Variants in NAA60 observed in about 807,000 individuals in gnomAD.
The protein encoded by NAA60 is N-alpha-acetyltransferase 60, NatF catalytic subunit.
NAA60 carries 8 observed loss-of-function variants against 26.1 expected under a neutral mutation model. The ratio of observed to expected loss-of-function variants is 0.31; its 90% CI spans 0.18 to 0.55. The LOEUF (loss-of-function observed/expected upper bound fraction) is 0.55. NAA60 is among the 20% of genes least tolerant of loss of function. The probability of loss-of-function intolerance (pLI) is 0.93; values close to 1 mark genes in which losing one functional copy is unlikely to be tolerated. For synonymous variants in NAA60, 131 were observed against 122.5 expected (o/e 1.07, Z -0.46); for missense variants, 290 against 311.3 (o/e 0.93, Z 0.51).
rs143637828 is a variant in NAA60 at position 3,453,549 on chromosome 16, C to T, written c.-7+5009C>T. ...TTAGCCTCTCAAGTAGCTGGGATTA[C>T]AGGCACGCACCACCACGCCTGGCTA... On this transcript the variant is annotated intron_variant, in intron 2 of 7. Coordinates refer to ENST00000407558, the MANE Select transcript of NAA60 (RefSeq NM_001083601.3). Among the ~76,000 whole-genome samples, 7 of 152,236 alleles carry T rather than the reference C, an allele frequency of 4.6e-5. No individual in the cohort carries two copies. The East Asian group carries it at 1.2e-3, about 25-fold the overall frequency.
intron 2 of NAA60, chr16:3,456,852 C>G (rs1234563720): frequency 6.6e-6 from 1 of 152,020 alleles, no homozygotes; most frequent in East Asian, 1.9e-4. Context: ...TGCAGTGGCG[C>G]AATCTCGGCT....
Position 3,457,907 on chromosome 16 carries a change from G to C in NAA60, c.-7+9367G>C, listed in dbSNP as rs892392876. ...CTGGGCCTGGCTTCGCACGGAGCCT[G>C]CCCGCTCCCAACCTGCCCGCTCCCA... On this transcript the variant is annotated intron_variant, in intron 2 of 7. Transcript: ENST00000407558. The C allele has an allele frequency of 1.0e-5, 4 of 388,294 alleles. No homozygotes were observed. The African/African-American group carries it at 3.9e-4, about 38-fold the overall frequency. The allele number at this position is 388,294 out of a possible 1,614,324, so 24.1% of individuals were successfully genotyped here.
rs1046098213 is a variant in NAA60 at position 3,444,651 on chromosome 16, A to C, written c.-77+814A>C. Among the ~76,000 whole-genome samples, 25 of 152,358 alleles carry C rather than the reference A, an allele frequency of 1.6e-4. 1 individual carries two copies. Among genetic ancestry groups the C allele is most frequent in the Middle Eastern group, 3.4e-3 (1 of 294 alleles). Reference sequence around the variant, plus strand: ...ATCTGATAGGATAGTTTCAGCTACAAGTAACAGAAAACCCACCGAAAGGAT... The same window carrying C: ...ATCTGATAGGATAGTTTCAGCTACACGTAACAGAAAACCCACCGAAAGGAT... On this transcript the variant is annotated intron_variant, in intron 1 of 7. Transcript: ENST00000407558.
At chr16:3,476,933 T>C (rs776009338) in intron 3 of NAA60, among the ~76,000 whole-genome samples, 1 of 151,776 alleles carries the variant, frequency 6.6e-6, no homozygotes, top group Non-Finnish European at 1.5e-5. Flanking sequence ...CCTAGCTACT[T>C]GGGAGACTGA....
chr16:3,470,013 G>A lies in NAA60; in HGVS notation c.-6-6209G>A, dbSNP rs2036025653. Among the ~76,000 whole-genome samples the A allele has an allele frequency of 1.3e-5, 2 of 152,218 alleles. 1 individual carries two copies. The highest frequency in any genetic ancestry group is 1.3e-4 in the Admixed American group (2 of 15,288). On this transcript the variant is annotated intron_variant, in intron 2 of 7. Coordinates refer to ENST00000407558, the MANE Select transcript of NAA60 (RefSeq NM_001083601.3). ...CCGGGCCTGCTGGGGCTGCCCTGGG[G>A]CCTGGAAAGTGCTTTAAGCAGGTCC...
intron 2 of NAA60, among the ~76,000 whole-genome samples, chr16:3,453,230 C>G (rs1049854289): frequency 6.6e-6 from 1 of 152,068 alleles, no homozygotes; most frequent in Non-Finnish European, 1.5e-5. Flanking sequence ...AACCCTGTCT[C>G]TACTAAAAAT....
intron 4 of NAA60, among the ~76,000 whole-genome samples, chr16:3,481,560 C>T (rs930906876): frequency 6.6e-6 from 1 of 152,156 alleles, no homozygotes; most frequent in Non-Finnish European, 1.5e-5. Flanking sequence ...CCCTCGAGGC[C>T]GACATGGGGA....
chr16:3,469,989 C>T (rs940215982), intron 2 of NAA60, among the ~76,000 whole-genome samples: 2 of 152,214 alleles, frequency 1.3e-5, no homozygotes, highest in Non-Finnish European at 2.9e-5. Flanking sequence ...CTCTGTGCGC[C>T]GGGCCTGCTG....
At chr16:3,454,274 T>C (rs1265516022) in intron 2 of NAA60, among the ~76,000 whole-genome samples, 1 of 152,110 alleles carries the variant, frequency 6.6e-6, no homozygotes, top group East Asian at 1.9e-4. Context: ...GGCAGCTTGG[T>C]ATGTCGCTAC....
At chr16:3,462,414 A>G (rs1240719972) in intron 2 of NAA60, among the ~76,000 whole-genome samples, 1 of 152,154 alleles carries the variant, frequency 6.6e-6, no homozygotes, top group African/African-American at 2.4e-5. Flanking sequence ...ATTTCTTTCT[A>G]GAAGATAGCT....
intron 2 of NAA60, chr16:3,462,455 G>GATTA (rs2035473073): frequency 6.6e-6 from 1 of 152,288 alleles, no homozygotes; most frequent in South Asian, 2.1e-4. Flanking sequence ...ACTGTTCAGA[G>GATTA]ATTATTCTTT....
intron 3 of NAA60, among the ~76,000 whole-genome samples, chr16:3,478,934 G>A (rs1596350707): frequency 2.0e-5 from 3 of 152,044 alleles, no homozygotes; most frequent in Non-Finnish European, 4.4e-5. Context: ...GTTTCATGTC[G>A]GATAAAATTA....
chr16:3,457,922 GCCCGCTCCCAACA>G (rs2035083831), intron 2 of NAA60: 1 of 948,262 alleles, frequency 1.1e-6, no homozygotes, highest in Non-Finnish European at 1.3e-6. Context: ...CTCCCAACCT[GCCCGCTCCCAACA>G]TGGCGGCAGC....
intron 5 of NAA60, chr16:3,482,985 G>A (rs2036942511): frequency 2.2e-6 from 1 of 465,014 alleles, no homozygotes; most frequent in Non-Finnish European, 3.9e-6. Context: ...CCGTTTCTCC[G>A]ATGTCCCACC....
At chr16:3,482,875 G>A in intron 5 of NAA60, 1 of 543,456 alleles carries the variant, frequency 1.8e-6, no homozygotes, top group Non-Finnish European at 3.3e-6. Flanking sequence ...TGAGGAAACT[G>A]GCACCTCTCA....
At chr16:3,455,386 G>GTTTTTTTTT (rs35501650) in intron 2 of NAA60, among the ~76,000 whole-genome samples, 14 of 101,962 alleles carry the variant, frequency 1.4e-4, no homozygotes, top group Admixed American at 2.2e-4. Context: ...AGAGTTTTTA[G>GTTTTTTTTT]TTTTTTTTTT....
At chr16:3,464,007 C>T (rs2035583313) in intron 2 of NAA60, among the ~76,000 whole-genome samples, 1 of 152,208 alleles carries the variant, frequency 6.6e-6, no homozygotes, top group South Asian at 2.1e-4. Context: ...CAGATTCAGG[C>T]AGAAATTTGG....
chr16:3,446,096 T>G (rs1001420515), intron 1 of NAA60, among the ~76,000 whole-genome samples: 1 of 152,264 alleles, frequency 6.6e-6, no homozygotes, highest in Non-Finnish European at 1.5e-5. Context: ...ATTTCTGTCT[T>G]TAACATGGTA....
At chr16:3,473,982 C>G (rs1053468614) in intron 2 of NAA60, among the ~76,000 whole-genome samples, 1 of 152,130 alleles carries the variant, frequency 6.6e-6, no homozygotes, top group Admixed American at 6.5e-5. Context: ...GATCCACCAG[C>G]CTTGGCCTTC....
Sources: allele counts gnomAD v4.1 joint callset (sites outside exome capture counted in the v4.1 genomes callset), GRCh38; gene constraint gnomAD v4.1.1; transcripts MANE v1.5; gene names NCBI Gene and HGNC (gene_info 2026-07-23, HGNC 2026-07-21).